ATP6V1C1: variants seen among roughly 807,000 people sequenced by gnomAD.
ATP6V1C1 encodes V-type proton ATPase subunit C 1.
ATP6V1C1 carries 45 observed loss-of-function variants against 53.9 expected under a neutral mutation model. The ratio of observed to expected loss-of-function variants is 0.83; its 90% CI spans 0.66 to 1.07. The LOEUF (loss-of-function observed/expected upper bound fraction) is 1.07. Ranked by LOEUF, ATP6V1C1 falls within the 50% of genes least tolerant of loss-of-function variation. The probability of loss-of-function intolerance (pLI) is 0.00; values close to 1 mark genes in which losing one functional copy is unlikely to be tolerated. For synonymous variants in ATP6V1C1, 153 were observed against 155.2 expected (o/e 0.99, Z 0.11); for missense variants, 315 against 440.3 (o/e 0.72, Z 2.55).
At chr8:103,035,221 T>C (rs995598170) in intron 1 of ATP6V1C1, among the ~76,000 whole-genome samples, 3 of 152,146 alleles carry the variant, frequency 2.0e-5, no homozygotes, top group African/African-American at 7.2e-5. Context: ...ATTTTTACTG[T>C]AAAATAAGGG....
Position 103,052,718 on chromosome 8 carries a change from T to A in ATP6V1C1, c.382-13T>A, listed in dbSNP as rs766390436. On this transcript the variant is annotated splice_polypyrimidine_tract_variant and intron_variant, in intron 5 of 12. Transcript: ENST00000518738. ...AAAATTTTATCTATTTTTCTTCTTTTTCTTTTTCAAAGGGAGTAACTCAGA... is the reference window on the plus strand; with the variant it reads ...AAAATTTTATCTATTTTTCTTCTTTATCTTTTTCAAAGGGAGTAACTCAGA... 6.5e-7 allele frequency: 1 copy of A among 1,539,750 alleles called. No individual in the cohort carries two copies. Among genetic ancestry groups the A allele is most frequent in the South Asian group, 1.2e-5 (1 of 81,468 alleles).
intron 1 of ATP6V1C1, among the ~76,000 whole-genome samples, chr8:103,022,645 A>G (rs1406340486): frequency 1.3e-5 from 2 of 152,170 alleles, no homozygotes; most frequent in Non-Finnish European, 2.9e-5. Flanking sequence ...CTTTTTAAAG[A>G]TTAAAACAAT....
chr8:103,063,449 C>G (rs1817438353), intron 10 of ATP6V1C1, among the ~76,000 whole-genome samples: 1 of 151,714 alleles, frequency 6.6e-6, no homozygotes, highest in Non-Finnish European at 1.5e-5. Flanking sequence ...AAGCTTATGT[C>G]TATCTGAGAT....
At chr8:103,058,961 C>T (rs1817339866) in intron 8 of ATP6V1C1, among the ~76,000 whole-genome samples, 1 of 150,170 alleles carries the variant, frequency 6.7e-6, no homozygotes. Context: ...TTCACTTGTC[C>T]TTTCAGAATT....
At chr8:103,062,582 G>A (rs748613643) in intron 8 of ATP6V1C1, among the ~76,000 whole-genome samples, 56 of 152,182 alleles carry the variant, frequency 3.7e-4, no homozygotes, top group Non-Finnish European at 5.9e-4. Context: ...TTGGCCTGGA[G>A]AAAGGAAGAA....
intron 4 of ATP6V1C1, among the ~76,000 whole-genome samples, chr8:103,049,948 C>CCCTG (rs1817171871): frequency 6.6e-6 from 1 of 151,704 alleles, no homozygotes; most frequent in Non-Finnish European, 1.5e-5. Flanking sequence ...CAGAGCAAGA[C>CCCTG]CCTGTCTCAA....
intron 12 of ATP6V1C1, 55 bp from the exon 13 acceptor site, chr8:103,068,597 T>A (rs1459896619): frequency 1.5e-6 from 2 of 1,374,190 alleles, no homozygotes; most frequent in Admixed American, 2.1e-5. Flanking sequence ...ATACTTGCTT[T>A]CTTTTTTTGA....
chr8:103,045,015 AT>A (rs1817069696), intron 3 of ATP6V1C1, among the ~76,000 whole-genome samples: 1 of 152,156 alleles, frequency 6.6e-6, no homozygotes, highest in African/African-American at 2.4e-5. Context: ...CTGCATTTTG[AT>A]TAGTTGGCAG....
At chr8:103,065,421 G>C (rs1320356487) in intron 11 of ATP6V1C1, among the ~76,000 whole-genome samples, 2 of 152,098 alleles carry the variant, frequency 1.3e-5, no homozygotes, top group Non-Finnish European at 2.9e-5. Flanking sequence ...AAGTGTGGTG[G>C]CACGCGCCTG....
At chr8:103,026,808 G>A (rs1816705032) in intron 1 of ATP6V1C1, among the ~76,000 whole-genome samples, 2 of 152,008 alleles carry the variant, frequency 1.3e-5, no homozygotes, top group Admixed American at 6.6e-5. Flanking sequence ...GTGAGACTCC[G>A]TCTCCAAAAA....
intron 12 of ATP6V1C1, among the ~76,000 whole-genome samples, chr8:103,066,927 C>T (rs1183222215): frequency 6.7e-6 from 1 of 148,470 alleles, no homozygotes. Flanking sequence ...TCACTTGAGC[C>T]CAGGCCTTCG....
At chr8:103,028,493 T>A (rs554204513) in intron 1 of ATP6V1C1, among the ~76,000 whole-genome samples, 1 of 152,276 alleles carries the variant, frequency 6.6e-6, no homozygotes, top group South Asian at 2.1e-4. Flanking sequence ...TACTGTATAA[T>A]CATAGAAATG....
intron 1 of ATP6V1C1, among the ~76,000 whole-genome samples, chr8:103,023,855 A>T (rs765151564): frequency 1.6e-4 from 24 of 151,530 alleles, no homozygotes; most frequent in Non-Finnish European, 8.8e-5. Flanking sequence ...TCTAGAGAAA[A>T]GGGCGAGTTT....
intron 5 of ATP6V1C1, among the ~76,000 whole-genome samples, chr8:103,052,067 C>G (rs747153382): frequency 6.6e-6 from 1 of 151,914 alleles, no homozygotes; most frequent in Non-Finnish European, 1.5e-5. Flanking sequence ...TATGACTGAG[C>G]CTTTTTTTCT....
chr8:103,044,070 A>T (rs560252845), intron 3 of ATP6V1C1, among the ~76,000 whole-genome samples: 7 of 151,734 alleles, frequency 4.6e-5, no homozygotes, highest in African/African-American at 1.7e-4. Flanking sequence ...TGTATTTTTA[A>T]TAGAGATGGG....
rs1817599694 is a variant in ATP6V1C1 at position 103,072,281 on chromosome 8, A to G, written c.*3534A>G. On this transcript the variant is annotated 3_prime_UTR_variant, in exon 13 of 13. Transcript: ENST00000518738. ...GCTCTTACTTCAAAATTAGTCCAAA[A>G]TGTTGGAAATAAAATATAAGACATT... 6.6e-6 allele frequency: 1 copy of G among 152,212 alleles called. No individual in the cohort carries two copies. Among genetic ancestry groups the G allele is most frequent in the South Asian group, 2.1e-4 (1 of 4,832 alleles). 9.4% of individuals were successfully genotyped at this position (152,212 alleles called of 1,614,324 possible). A position where few individuals can be genotyped will look rare whatever the true frequency, so the allele number is the denominator to read the frequency against.
chr8:103,062,934 G>T, intron 8 of ATP6V1C1, 21 bp from the exon 9 acceptor site: 1 of 1,599,890 alleles, frequency 6.3e-7, no homozygotes, highest in Non-Finnish European at 8.5e-7. Context: ...ATCTTTAAAT[G>T]GACTTTTTTT....
At chr8:103,056,897 T>C (rs1817297241) in intron 8 of ATP6V1C1, among the ~76,000 whole-genome samples, 1 of 151,990 alleles carries the variant, frequency 6.6e-6, no homozygotes, top group Admixed American at 6.6e-5. Context: ...GGGAAGTAGC[T>C]TAGTATGATG....
At position 103,032,096 on chromosome 8, in the gene ATP6V1C1, A is replaced by G. The variant is rs932742375; in HGVS notation, c.-39-8702A>G. Among the ~76,000 whole-genome samples the G allele has an allele frequency of 5.3e-5, 8 of 152,354 alleles. No homozygotes were observed. The South Asian group carries it at 1.7e-3, about 32-fold the overall frequency. Reference sequence around the variant, plus strand: ...AAACTTCTTTTCAAAAGCATCATTAAGTCAAGCCACAGAATGAGAGAAAAT... The same window carrying G: ...AAACTTCTTTTCAAAAGCATCATTAGGTCAAGCCACAGAATGAGAGAAAAT... On this transcript the variant is annotated intron_variant, in intron 1 of 12. Coordinates refer to ENST00000518738, the MANE Select transcript of ATP6V1C1 (RefSeq NM_001695.5).
Sources: gnomAD v4.1 joint callset for allele counts (sites outside exome capture counted in the v4.1 genomes callset) on GRCh38, gnomAD v4.1.1 for gene constraint, MANE v1.5 for transcripts, NCBI Gene and HGNC (gene_info 2026-07-23, HGNC 2026-07-21) for gene names.